Variants in LYPD6B observed in about 807,000 individuals in gnomAD.
The protein encoded by LYPD6B is LY6/PLAUR domain containing 6B, also known as ly6/PLAUR domain-containing protein 6B.
A neutral mutation model predicts 22.8 loss-of-function variants in LYPD6B; 17 were observed. That is an observed-to-expected ratio of 0.75 (90% CI 0.51 to 1.12). LYPD6B has a LOEUF of 1.12. Among genes scored for constraint, LYPD6B ranks in the 50% most tolerant of loss-of-function variants. LYPD6B has a pLI of 0.00. For missense variants in LYPD6B, 221 were observed against 258.3 expected, an observed-to-expected ratio of 0.86 and a Z score of 0.99; for synonymous variants, 106 against 91.6, an observed-to-expected ratio of 1.16 and a Z score of -0.90.
At chr2:149,172,149 A>G (rs1402681463) in intron 3 of LYPD6B, among the ~76,000 whole-genome samples, 7 of 152,178 alleles carry the variant, frequency 4.6e-5, no homozygotes, top group South Asian at 2.1e-4. Flanking sequence ...CCTTCTTCAC[A>G]TGGCGGCAGG....
intron 1 of LYPD6B, among the ~76,000 whole-genome samples, chr2:149,063,268 G>T (rs978373254): frequency 6.6e-6 from 1 of 152,104 alleles, no homozygotes; most frequent in African/African-American, 2.4e-5. Context: ...GCCAAGGGGT[G>T]TTATTTTCAG....
rs373547153 is a variant in LYPD6B at position 149,178,368 on chromosome 2, C to T, written c.77+17533C>T. On this transcript the variant is annotated intron_variant, in intron 3 of 6. Transcript: ENST00000409642. The stretch of plus-strand genomic sequence containing the variant: ...TATTATAAAGACAACATCTTATCAC[C>T]ACTGTGATCTAGATGTCCGTGCAAA... Among the ~76,000 whole-genome samples the T allele has an allele frequency of 3.7e-4, 57 of 152,306 alleles. No individual in the cohort carries two copies. In the South Asian group the frequency reaches 3.9e-3, roughly 11 times the overall value.
chr2:149,040,979 G>A (rs1002963399), intron 1 of LYPD6B, among the ~76,000 whole-genome samples: 3 of 151,988 alleles, frequency 2.0e-5, no homozygotes, highest in Non-Finnish European at 4.4e-5. Context: ...CAGATATGAG[G>A]ATAACATCGT....
chr2:149,121,588 A>T (rs1193894846), intron 1 of LYPD6B, among the ~76,000 whole-genome samples: 1 of 152,184 alleles, frequency 6.6e-6, no homozygotes, highest in Non-Finnish European at 1.5e-5. Flanking sequence ...AACAGTGGAA[A>T]GTCATGTCCA....
intron 1 of LYPD6B, among the ~76,000 whole-genome samples, chr2:149,083,095 T>C (rs1233330674): frequency 6.6e-6 from 1 of 152,048 alleles, no homozygotes. Context: ...AAAGTACCCT[T>C]GAATGGGAAT....
intron 2 of LYPD6B, chr2:149,131,726 C>A (rs573075068): frequency 6.6e-6 from 1 of 152,300 alleles, no homozygotes; most frequent in African/African-American, 2.4e-5. Flanking sequence ...GCTGTCAGAT[C>A]CCTTCCTGGA....
At chr2:149,136,478 A>G (rs1212251515) in intron 2 of LYPD6B, among the ~76,000 whole-genome samples, 1 of 152,190 alleles carries the variant, frequency 6.6e-6, no homozygotes, top group Non-Finnish European at 1.5e-5. Flanking sequence ...TCATTCCCAG[A>G]TGGCAGTGGG....
At chr2:149,169,059 AAAAG>A (rs1363802405) in intron 3 of LYPD6B, among the ~76,000 whole-genome samples, 1 of 152,172 alleles carries the variant, frequency 6.6e-6, no homozygotes, top group Non-Finnish European at 1.5e-5. Context: ...TATCCCCTCA[AAAAG>A]GGTAAATTTG....
chr2:149,098,749 T>C (rs1686041250), intron 1 of LYPD6B, among the ~76,000 whole-genome samples: 1 of 149,202 alleles, frequency 6.7e-6, no homozygotes, highest in Admixed American at 6.9e-5. Flanking sequence ...CTTACGTATA[T>C]ATACATGTGC....
intron 3 of LYPD6B, among the ~76,000 whole-genome samples, chr2:149,194,737 A>G (rs567862411): frequency 6.6e-6 from 1 of 152,306 alleles, no homozygotes; most frequent in Non-Finnish European, 1.5e-5. Flanking sequence ...CAGCCAGTGG[A>G]AAGGGAACTA....
chr2:149,137,238 G>T (rs116434955), intron 2 of LYPD6B, among the ~76,000 whole-genome samples: 141 of 152,312 alleles, frequency 9.3e-4, no homozygotes, highest in Non-Finnish European at 1.7e-3. Context: ...CATGCAGTTA[G>T]TGTATATATC....
intron 1 of LYPD6B, among the ~76,000 whole-genome samples, chr2:149,044,618 T>C (rs1032281107): frequency 9.9e-5 from 15 of 152,024 alleles, no homozygotes; most frequent in Admixed American, 2.6e-4. Context: ...CTTATTGCAC[T>C]GGCTAAGAAT....
intron 1 of LYPD6B, among the ~76,000 whole-genome samples, chr2:149,102,199 G>A (rs1406895056): frequency 6.6e-6 from 1 of 152,146 alleles, no homozygotes; most frequent in Non-Finnish European, 1.5e-5. Context: ...TAAAATGAAT[G>A]AATCACTTTA....
intron 1 of LYPD6B, among the ~76,000 whole-genome samples, chr2:149,123,326 G>T (rs1002536298): frequency 6.6e-6 from 1 of 152,116 alleles, no homozygotes; most frequent in African/African-American, 2.4e-5. Context: ...CTGTGGTGTT[G>T]GTAGATGAAG....
At chr2:149,154,970 T>C (rs181663435) in intron 2 of LYPD6B, among the ~76,000 whole-genome samples, 1 of 152,352 alleles carries the variant, frequency 6.6e-6, no homozygotes, top group East Asian at 1.9e-4. Context: ...GTAAGGAATA[T>C]TGAACTGCAT....
chr2:149,117,809 G>A (rs1294435426), intron 1 of LYPD6B, among the ~76,000 whole-genome samples: 3 of 152,112 alleles, frequency 2.0e-5, no homozygotes, highest in Non-Finnish European at 4.4e-5. Context: ...AAAATTTAGT[G>A]TTGTAAAGCA....
At chr2:149,045,197 T>A (rs1423216679) in intron 1 of LYPD6B, among the ~76,000 whole-genome samples, 7 of 152,106 alleles carry the variant, frequency 4.6e-5, no homozygotes, top group Admixed American at 3.9e-4. Flanking sequence ...AGTTGTCAAA[T>A]TCATTGATAC....
At chr2:149,170,700 A>G (rs540538571) in intron 3 of LYPD6B, among the ~76,000 whole-genome samples, 1 of 152,342 alleles carries the variant, frequency 6.6e-6, no homozygotes, top group South Asian at 2.1e-4. Context: ...AAATCAAAAG[A>G]AAGTACTCAA....
At chr2:149,070,473 C>G (rs1684547699) in intron 1 of LYPD6B, among the ~76,000 whole-genome samples, 1 of 152,142 alleles carries the variant, frequency 6.6e-6, no homozygotes, top group Non-Finnish European at 1.5e-5. Flanking sequence ...TCCTTCCCCC[C>G]TCATATAACC....
Sources: allele counts gnomAD v4.1 joint callset (sites outside exome capture counted in the v4.1 genomes callset), GRCh38; gene constraint gnomAD v4.1.1; transcripts MANE v1.5; gene names NCBI Gene and HGNC (gene_info 2026-07-23, HGNC 2026-07-21).